CLSTN2: variants seen among roughly 807,000 people sequenced by gnomAD.
CLSTN2 encodes the protein calsyntenin 2, also known as calsyntenin-2.
Under a neutral mutation model 101.2 loss-of-function variants are expected in CLSTN2, and 48 were observed. The observed-to-expected ratio is 0.47, with a 90% CI of 0.38 to 0.60. The LOEUF (loss-of-function observed/expected upper bound fraction) is 0.60, where lower values mean the gene tolerates loss of function less well. CLSTN2 is among the 20% of genes least tolerant of loss of function. The probability of loss-of-function intolerance (pLI) is 0.00; values close to 1 mark genes in which losing one functional copy is unlikely to be tolerated. For missense variants in CLSTN2, 1,160 were observed against 1,238.2 expected (o/e 0.94, Z 0.95); for synonymous variants, 481 against 463.6 (o/e 1.04, Z -0.48).
intron 8 of CLSTN2, among the ~76,000 whole-genome samples, chr3:140,487,206 G>C (rs1365230742): frequency 6.6e-6 from 1 of 152,182 alleles, no homozygotes; most frequent in Non-Finnish European, 1.5e-5. Flanking sequence ...ATGTTTGAAG[G>C]GGAAAATTAT....
chr3:140,562,922 A>G lies in CLSTN2; in HGVS notation c.2324A>G (p.Asn775Ser). 6 of 1,614,108 alleles carry G rather than the reference A, an allele frequency of 3.7e-6. No individual in the cohort carries two copies. The South Asian group carries it at 5.5e-5, about 15-fold the overall frequency. The change falls in exon 14 of 17, where the codon AAT (asparagine) becomes AGT (serine). Residue 775 changes from asparagine (N) to serine (S), a missense_variant. By Grantham distance (46) the Asn-to-Ser change is conservative (BLOSUM62 1). Transcript: ENST00000458420. The stretch of plus-strand genomic sequence containing the variant: ...TTCCGGATTAAGTGCTCAGAACTCA[A>G]TGGGCGCTACACTAGCAATGAGTTC... ...RRFRIKCSEL[N>S]GRYTSNEFNL... is the part of the protein sequence containing the mutation.
At chr3:140,270,198 T>G (rs372955331) in intron 2 of CLSTN2, among the ~76,000 whole-genome samples, 1 of 152,294 alleles carries the variant, frequency 6.6e-6, no homozygotes, top group Admixed American at 6.5e-5. Flanking sequence ...CCTCATTCAT[T>G]GCCTCTTACC....
intron 1 of CLSTN2, among the ~76,000 whole-genome samples, chr3:139,962,137 T>C (rs143910991): frequency 6.6e-6 from 1 of 152,158 alleles, no homozygotes; most frequent in Non-Finnish European, 1.5e-5. Context: ...TAGGATACAG[T>C]TCTAAAGGAA....
chr3:140,401,687 G>A (rs1018837370), intron 2 of CLSTN2, among the ~76,000 whole-genome samples: 4 of 152,192 alleles, frequency 2.6e-5, no homozygotes, highest in Admixed American at 2.6e-4. Context: ...GGCAGTGGTT[G>A]GGCACTCCAG....
chr3:140,281,552 C>T (rs1382665299), intron 2 of CLSTN2, among the ~76,000 whole-genome samples: 2 of 152,094 alleles, frequency 1.3e-5, no homozygotes, highest in Non-Finnish European at 2.9e-5. Context: ...AAAAGCCCTT[C>T]TAGTTACCTA....
intron 8 of CLSTN2, among the ~76,000 whole-genome samples, chr3:140,500,205 C>T (rs1014982944): frequency 1.3e-5 from 2 of 152,156 alleles, no homozygotes; most frequent in African/African-American, 4.8e-5. Context: ...AAACAAGTAT[C>T]TTTTCTTTTG....
At chr3:140,392,806 A>C (rs1318009940) in intron 2 of CLSTN2, among the ~76,000 whole-genome samples, 1 of 152,146 alleles carries the variant, frequency 6.6e-6, no homozygotes, top group East Asian at 1.9e-4. Flanking sequence ...TTTATAATAT[A>C]ATAGTTGAAA....
At chr3:140,447,896 G>A (rs908103851) in intron 5 of CLSTN2, among the ~76,000 whole-genome samples, 29 of 152,202 alleles carry the variant, frequency 1.9e-4, no homozygotes, top group Non-Finnish European at 1.5e-5. Context: ...TCTGACGTTT[G>A]CCTGTGAAAT....
At chr3:139,953,060 G>A (rs1935320061) in intron 1 of CLSTN2, among the ~76,000 whole-genome samples, 1 of 152,188 alleles carries the variant, frequency 6.6e-6, no homozygotes, top group Admixed American at 6.5e-5. Flanking sequence ...GAGTTAGGTG[G>A]GACCTGCTAA....
chr3:140,090,113 A>T (rs2008751998), intron 1 of CLSTN2, among the ~76,000 whole-genome samples: 3 of 128,808 alleles, frequency 2.3e-5, no homozygotes, highest in South Asian at 5.0e-4. Context: ...GATGGAGGGG[A>T]GGTTATCTTG....
chr3:140,349,912 A>G (rs1180189789), intron 2 of CLSTN2, among the ~76,000 whole-genome samples: 1 of 152,176 alleles, frequency 6.6e-6, no homozygotes, highest in African/African-American at 2.4e-5. Flanking sequence ...ATATCATGGT[A>G]TCTCTATCCA....
chr3:140,274,606 TC>T (rs1312850139), intron 2 of CLSTN2, among the ~76,000 whole-genome samples: 1 of 152,086 alleles, frequency 6.6e-6, no homozygotes, highest in Non-Finnish European at 1.5e-5. Flanking sequence ...GTCCACCAGG[TC>T]CAGGGATGGC....
chr3:140,436,730 G>A (rs2088691559), intron 5 of CLSTN2, among the ~76,000 whole-genome samples: 1 of 152,208 alleles, frequency 6.6e-6, no homozygotes, highest in Non-Finnish European at 1.5e-5. Context: ...AACCTGTCTG[G>A]GGCCTCTAAA....
chr3:140,330,134 T>C (rs2087368536), intron 2 of CLSTN2, among the ~76,000 whole-genome samples: 1 of 152,240 alleles, frequency 6.6e-6, no homozygotes. Flanking sequence ...GCTGCTACTC[T>C]TCCCTAACTC....
intron 7 of CLSTN2, chr3:140,460,915 C>T (rs1933548255): frequency 6.6e-6 from 1 of 152,202 alleles, no homozygotes; most frequent in African/African-American, 2.4e-5. Flanking sequence ...TCCATCTCAG[C>T]TTGACCACTT....
chr3:140,139,972 A>T (rs1241356530), intron 1 of CLSTN2, among the ~76,000 whole-genome samples: 2 of 152,224 alleles, frequency 1.3e-5, no homozygotes, highest in Non-Finnish European at 2.9e-5. Context: ...GAACAGTGGC[A>T]TGTACTTAGA....
chr3:140,203,461 G>GTTTTTTTTTT (rs58182333), intron 2 of CLSTN2, among the ~76,000 whole-genome samples: 4 of 67,918 alleles, frequency 5.9e-5, no homozygotes, highest in Non-Finnish European at 1.1e-4. Flanking sequence ...GAAAGTGTGG[G>GTTTTTTTTTT]TTTTTTTTTT....
chr3:140,422,300 C>A (rs574083429), intron 5 of CLSTN2, among the ~76,000 whole-genome samples: 2 of 152,156 alleles, frequency 1.3e-5, no homozygotes, highest in South Asian at 4.1e-4. Context: ...GATGCCAGAC[C>A]ACCCTATAAA....
intron 2 of CLSTN2, among the ~76,000 whole-genome samples, chr3:140,396,237 G>A (rs1338482587): frequency 7.2e-5 from 11 of 152,060 alleles, no homozygotes; most frequent in South Asian, 2.1e-4. Context: ...GCTGGCCCTC[G>A]ATGAGATTAT....
Sources: gnomAD v4.1 joint callset for allele counts (sites outside exome capture counted in the v4.1 genomes callset) on GRCh38, gnomAD v4.1.1 for gene constraint, MANE v1.5 for transcripts, NCBI Gene and HGNC (gene_info 2026-07-23, HGNC 2026-07-21) for gene names.